UXS1: variants seen among roughly 807,000 people sequenced by gnomAD.
UXS1 encodes the protein UDP-glucuronic acid decarboxylase 1.
In UXS1, 33 loss-of-function variants were observed where a neutral mutation model predicts 62.6. The ratio of observed to expected loss-of-function variants is 0.53; its 90% CI spans 0.40 to 0.70. The LOEUF (loss-of-function observed/expected upper bound fraction) is 0.70. Ranked by LOEUF, UXS1 falls within the 30% of genes least tolerant of loss-of-function variation. The probability of loss-of-function intolerance (pLI) is 0.00; values close to 1 mark genes in which losing one functional copy is unlikely to be tolerated. For missense variants in UXS1, 434 were observed against 556.3 expected, an observed-to-expected ratio of 0.78 and a Z score of 2.21; for synonymous variants, 213 against 206.8, an observed-to-expected ratio of 1.03 and a Z score of -0.26.
intron 5 of UXS1, among the ~76,000 whole-genome samples, chr2:106,148,142 C>T (rs1681719235): frequency 6.6e-6 from 1 of 152,224 alleles, no homozygotes; most frequent in Admixed American, 6.5e-5. Flanking sequence ...TAATTACACG[C>T]TCTCTACTGC....
At chr2:106,193,820 G>A (rs953790175) in intron 1 of UXS1, among the ~76,000 whole-genome samples, 2 of 152,030 alleles carry the variant, frequency 1.3e-5, no homozygotes, top group African/African-American at 2.4e-5. Context: ...ACCCTCGCCG[G>A]CTCCCAGCGC....
intron 1 of UXS1, among the ~76,000 whole-genome samples, chr2:106,192,502 CGA>C (rs1163703540): frequency 6.6e-6 from 1 of 151,554 alleles, no homozygotes. Context: ...TGCAGTGAGC[CGA>C]GATCGCGCCC....
intron 1 of UXS1, among the ~76,000 whole-genome samples, chr2:106,173,370 T>C (rs535807453): frequency 6.6e-6 from 1 of 152,172 alleles, no homozygotes; most frequent in East Asian, 1.9e-4. Context: ...ATGAGTAACA[T>C]GGTGAAATCC....
At chr2:106,140,917 A>T (rs544068681) in intron 6 of UXS1, among the ~76,000 whole-genome samples, 1 of 152,286 alleles carries the variant, frequency 6.6e-6, no homozygotes, top group East Asian at 1.9e-4. Flanking sequence ...CAGACGGTGG[A>T]AAAGTAAATT....
chr2:106,163,516 G>A, intron 4 of UXS1, 151 bp downstream of exon 4: 2 of 483,166 alleles, frequency 4.1e-6, no homozygotes, highest in South Asian at 6.9e-5. Flanking sequence ...TTCTCCCCAT[G>A]TTCTATCTGG....
intron 9 of UXS1, among the ~76,000 whole-genome samples, chr2:106,113,432 CTA>C (rs1678789365): frequency 1.3e-5 from 2 of 152,186 alleles, no homozygotes; most frequent in Non-Finnish European, 2.9e-5. Flanking sequence ...ATTTTCACCT[CTA>C]TGTTCATTTT....
chr2:106,125,296 G>A (rs769922877), intron 8 of UXS1, among the ~76,000 whole-genome samples: 1 of 152,242 alleles, frequency 6.6e-6, no homozygotes, highest in Non-Finnish European at 1.5e-5. Context: ...ACATGTGCTA[G>A]ACAAACAGGT....
At chr2:106,154,262 C>A (rs897841327) in intron 5 of UXS1, among the ~76,000 whole-genome samples, 1 of 152,144 alleles carries the variant, frequency 6.6e-6, no homozygotes, top group Admixed American at 6.5e-5. Context: ...TGCACACAGA[C>A]ACATCATTCT....
chr2:106,191,694 T>C (rs952092511), intron 1 of UXS1, among the ~76,000 whole-genome samples: 2 of 152,240 alleles, frequency 1.3e-5, no homozygotes, highest in Non-Finnish European at 2.9e-5. Flanking sequence ...CTGCCTGCTC[T>C]TGGCTGCCGC....
chr2:106,162,556 C>T (rs1682961304), intron 4 of UXS1, among the ~76,000 whole-genome samples: 1 of 152,098 alleles, frequency 6.6e-6, no homozygotes, highest in East Asian at 1.9e-4. Flanking sequence ...AAAAAAGCTT[C>T]AATTAAGATC....
intron 7 of UXS1, among the ~76,000 whole-genome samples, chr2:106,127,852 A>AGG (rs1680091713): frequency 6.6e-6 from 1 of 152,208 alleles, no homozygotes; most frequent in Non-Finnish European, 1.5e-5. Flanking sequence ...TCTCAGTCAT[A>AGG]GCTCAAGCCC....
Position 106,096,729 on chromosome 2 carries a change from AC to A in UXS1, c.1134del (p.Trp379GlyfsTer11). 1 of 1,574,308 alleles carries A rather than the reference AC, an allele frequency of 6.4e-7. No homozygotes were observed. Among genetic ancestry groups the A allele is most frequent in the South Asian group, 1.2e-5 (1 of 85,750 alleles). On this transcript the variant is annotated frameshift_variant, in exon 14 of 15. Transcript: ENST00000283148. LOFTEE classifies it high-confidence loss of function. ...CTCCCTGCACTTACCACGGGCTCCC[AC>A]CCCAGCATCAGCTTTGCTTTTTTGA... ...PDIKKAKLMLGWEPVVPLEEG... is the reference protein window; with the variant it reads ...PDIKKAKLMLXWEPVVPLEEG...
intron 10 of UXS1, among the ~76,000 whole-genome samples, chr2:106,111,642 T>C (rs1678619296): frequency 6.6e-6 from 1 of 152,040 alleles, no homozygotes. Flanking sequence ...CATCCTTGCC[T>C]GAAAAAGGAG....
At chr2:106,107,572 AC>A (rs1678191747) in intron 10 of UXS1, among the ~76,000 whole-genome samples, 1 of 152,246 alleles carries the variant, frequency 6.6e-6, no homozygotes, top group African/African-American at 2.4e-5. Flanking sequence ...CACGCCAGGT[AC>A]CTGCTCAACC....
At chr2:106,181,928 T>C (rs963171028) in intron 1 of UXS1, among the ~76,000 whole-genome samples, 1 of 152,196 alleles carries the variant, frequency 6.6e-6, no homozygotes, top group Non-Finnish European at 1.5e-5. Context: ...GAACAAAGTA[T>C]ACAACTTAAG....
At chr2:106,138,732 C>G in intron 6 of UXS1, 2 of 985,436 alleles carry the variant, frequency 2.0e-6, no homozygotes, top group Non-Finnish European at 2.4e-6. Flanking sequence ...ATCAGACTGT[C>G]GAGACGTTCA....
chr2:106,189,540 G>A (rs1160991083), intron 1 of UXS1, among the ~76,000 whole-genome samples: 4 of 152,142 alleles, frequency 2.6e-5, no homozygotes, highest in Non-Finnish European at 4.4e-5. Context: ...TAGCACTTCC[G>A]CTCAGCTCCT....
chr2:106,126,514 C>A (rs970626353), intron 7 of UXS1, among the ~76,000 whole-genome samples: 1 of 152,104 alleles, frequency 6.6e-6, no homozygotes, highest in Non-Finnish European at 1.5e-5. Flanking sequence ...GAGGGTGAGA[C>A]GAGCCAGGCA....
chr2:106,100,323 G>C (rs1050646457), intron 12 of UXS1, among the ~76,000 whole-genome samples: 1 of 152,172 alleles, frequency 6.6e-6, no homozygotes, highest in African/African-American at 2.4e-5. Flanking sequence ...ATGCACCAAG[G>C]AGGAGGCAGC....
Sources: gnomAD v4.1 joint callset for allele counts (sites outside exome capture counted in the v4.1 genomes callset) on GRCh38, gnomAD v4.1.1 for gene constraint, MANE v1.5 for transcripts, NCBI Gene and HGNC (gene_info 2026-07-23, HGNC 2026-07-21) for gene names.